The following NMRAL1 variants were observed in gnomAD, a reference collection of about 807,000 sequenced individuals.
NMRAL1 encodes NmrA like redox sensor 1.
Under a neutral mutation model 27.5 loss-of-function variants are expected in NMRAL1, and 32 were observed. The ratio of observed to expected loss-of-function variants is 1.16; its 90% CI spans 0.88 to 1.56. The LOEUF is 1.56. Ranked by LOEUF, NMRAL1 falls within the 40% of genes most tolerant of loss-of-function variation. The pLI, the probability that NMRAL1 is intolerant of heterozygous loss-of-function variation, is 0.00. For missense variants in NMRAL1, 420 were observed against 392.0 expected, an observed-to-expected ratio of 1.07 and a Z score of -0.60; for synonymous variants, 166 against 166.8, an observed-to-expected ratio of 1.00 and a Z score of 0.04.
At position 4,469,328 on chromosome 16, in the gene NMRAL1, C is replaced by G. The variant is rs1475842360; in HGVS notation, c.178G>C (p.Asp60His). 1.9e-6 allele frequency: 3 copies of G among 1,614,186 alleles called. No homozygotes were observed. Among genetic ancestry groups the G allele is most frequent in the Non-Finnish European group, 2.5e-6 (3 of 1,180,010 alleles). Residue 60 changes from aspartate (D) to histidine (H), a missense_variant, in exon 3 of 6, where the codon GAT becomes CAT. Transcript: ENST00000283429. ...QGAEVVQGDQ[D>H]DQVIMELALN... is the part of the protein sequence containing the mutation. ...GCCAGCTCCATGATGACCTGGTCAT[C>G]TTGGTCTCCCTGCACTACTTCTGCA...
intron 4 of NMRAL1, among the ~76,000 whole-genome samples, chr16:4,464,667 T>G (rs2057248737): frequency 7.0e-6 from 1 of 142,442 alleles, no homozygotes; most frequent in Admixed American, 7.5e-5. Flanking sequence ...CAGGCTGGAG[T>G]GCAGTGGCGC....
chr16:4,463,083 G>C (rs1302663943), intron 5 of NMRAL1, among the ~76,000 whole-genome samples: 3 of 151,910 alleles, frequency 2.0e-5, no homozygotes, highest in African/African-American at 4.8e-5. Context: ...TCAAACTCCT[G>C]ACCTCAGGTG....
chr16:4,469,155 G>C (rs2057449002), intron 3 of NMRAL1, 72 bp downstream of exon 3: 2 of 966,280 alleles, frequency 2.1e-6, no homozygotes, highest in South Asian at 2.6e-5. Flanking sequence ...CCTCCCTGCA[G>C]AGTCGGAGCT....
chr16:4,474,546 G>A lies in NMRAL1; in HGVS notation c.-35+8C>T, dbSNP rs555375646. On this transcript the variant is annotated splice_region_variant and intron_variant, in intron 1 of 5. Coordinates refer to ENST00000283429, the MANE Select transcript of NMRAL1 (RefSeq NM_020677.6). ...GCGCCAACTCCCTCCCCGCAGCTCC[G>A]GCCCCACCTGGCAGAGCGCCGCTCA... The A allele has an allele frequency of 3.1e-5, 5 of 162,286 alleles. No homozygotes were observed. Among genetic ancestry groups the A allele is most frequent in the Non-Finnish European group, 6.7e-5 (5 of 74,322 alleles). The allele number at this position is 162,286 out of a possible 1,614,324, so 10.1% of individuals were successfully genotyped here. A position where few individuals can be genotyped will look rare whatever the true frequency, so the allele number is the denominator to read the frequency against.
At chr16:4,466,643 C>CG (rs145197863) in intron 3 of NMRAL1, 7,132 of 543,442 alleles carry the variant, frequency 0.013, 418 homozygotes, top group African/African-American at 0.12. Context: ...CAACATAGGA[C>CG]GGGGGGGCAG....
intron 3 of NMRAL1, among the ~76,000 whole-genome samples, chr16:4,468,079 C>A (rs925652500): frequency 6.6e-6 from 1 of 151,768 alleles, no homozygotes; most frequent in Non-Finnish European, 1.5e-5. Flanking sequence ...GCAGGCGGAT[C>A]GCCTGAGGCC....
At chr16:4,463,924 G>A in intron 4 of NMRAL1, 74 bp from the exon 5 acceptor site, 3 of 1,259,598 alleles carry the variant, frequency 2.4e-6, no homozygotes, top group Non-Finnish European at 3.4e-6. Context: ...CTCTCCAAAG[G>A]GTCCAAGCTG....
chr16:4,470,891 G>A (rs967585576), intron 2 of NMRAL1, among the ~76,000 whole-genome samples: 2 of 151,152 alleles, frequency 1.3e-5, no homozygotes, highest in African/African-American at 4.9e-5. Context: ...AGCTTGCAGT[G>A]AGCCGAGATC....
rs1278707788 is a variant in NMRAL1, at chr16:4,474,465, G to A, written c.-35+89C>T. 6.4e-6 allele frequency: 2 copies of A among 311,988 alleles called. 1 individual carries two copies. The highest frequency in any genetic ancestry group is 1.2e-5 in the Non-Finnish European group (2 of 164,304). The allele number at this position is 311,988 out of a possible 1,614,324, so 19.3% of individuals were successfully genotyped here. On this transcript the variant is annotated intron_variant, in intron 1 of 5. Transcript: ENST00000283429. ...GGCGGGACAAGTTCCAGGAGCCCGG[G>A]ACCCCGATTCTGCGGCCGAGTCCAC...
At chr16:4,465,926 A>G (rs1336074289) in intron 4 of NMRAL1, among the ~76,000 whole-genome samples, 2 of 152,124 alleles carry the variant, frequency 1.3e-5, no homozygotes, top group Non-Finnish European at 2.9e-5. Flanking sequence ...TCGTGTCACC[A>G]CCATCTCAGC....
intron 3 of NMRAL1, among the ~76,000 whole-genome samples, chr16:4,467,730 C>A (rs372785758): frequency 2.0e-5 from 3 of 151,882 alleles, no homozygotes. Flanking sequence ...AGCAATTCTC[C>A]TGCCTCAGCC....
chr16:4,473,539 A>G (rs1044301921), intron 2 of NMRAL1, among the ~76,000 whole-genome samples: 4 of 152,170 alleles, frequency 2.6e-5, no homozygotes, highest in Non-Finnish European at 5.9e-5. Context: ...ACAGCAATAG[A>G]TGAGGTGGAA....
chr16:4,469,677 T>C (rs906145621), intron 2 of NMRAL1: 72 of 1,046,356 alleles, frequency 6.9e-5, no homozygotes, highest in Non-Finnish European at 8.8e-5. Flanking sequence ...TGGCACGATC[T>C]TGGCTTGGTG....
intron 2 of NMRAL1, among the ~76,000 whole-genome samples, 155 bp downstream of exon 2, chr16:4,473,938 T>C (rs1363222572): frequency 2.0e-5 from 3 of 150,524 alleles, no homozygotes; most frequent in Non-Finnish European, 3.0e-5. Context: ...AAAAAAAAAA[T>C]TGGAAAGCAA....
At chr16:4,475,216 G>A (rs2057784228), upstream of NMRAL1, among the ~76,000 whole-genome samples, 1 of 152,054 alleles carries the variant, frequency 6.6e-6, no homozygotes, top group East Asian at 1.9e-4. Flanking sequence ...GCCTCCCAAA[G>A]TGCTGGGAGT....
At chr16:4,463,554 T>G in intron 5 of NMRAL1, 106 bp downstream of exon 5, 1 of 862,906 alleles carries the variant, frequency 1.2e-6, no homozygotes, top group Non-Finnish European at 1.8e-6. Context: ...AACGAATGAA[T>G]TTAGATGTAC....
At chr16:4,463,595 C>T in intron 5 of NMRAL1, 65 bp downstream of exon 5, 3 of 1,483,078 alleles carry the variant, frequency 2.0e-6, no homozygotes, top group East Asian at 2.3e-5. Flanking sequence ...CCTGGACACA[C>T]CCTCCCTACG....
intron 2 of NMRAL1, among the ~76,000 whole-genome samples, chr16:4,470,614 C>T (rs1051576366): frequency 2.0e-4 from 30 of 151,934 alleles, no homozygotes; most frequent in African/African-American, 5.8e-4. Context: ...GAGCTCAAGA[C>T]CAGCCTAGCC....
chr16:4,467,778 C>G (rs1398462405), intron 3 of NMRAL1, among the ~76,000 whole-genome samples: 1 of 151,546 alleles, frequency 6.6e-6, no homozygotes, highest in Non-Finnish European at 1.5e-5. Context: ...CACCACCATG[C>G]CCAGCTAATT....
Sources: gnomAD v4.1 joint callset for allele counts (sites outside exome capture counted in the v4.1 genomes callset) on GRCh38, gnomAD v4.1.1 for gene constraint, MANE v1.5 for transcripts, NCBI Gene and HGNC (gene_info 2026-07-23, HGNC 2026-07-21) for gene names.